The following XPR1 variants were observed in gnomAD, a reference collection of about 807,000 sequenced individuals.
XPR1 encodes xenotropic and polytropic retrovirus receptor 1.
In XPR1, 28 loss-of-function variants were observed where a neutral mutation model predicts 87.5. The observed-to-expected ratio is 0.32, with a 90% CI of 0.24 to 0.44. The LOEUF is 0.44. Among genes scored for constraint, XPR1 ranks in the 20% least tolerant of loss-of-function variants. XPR1 has a pLI of 1.00. For synonymous variants in XPR1, 300 were observed against 306.1 expected (o/e 0.98, Z 0.21); for missense variants, 559 against 862.3 (o/e 0.65, Z 4.41).
intron 1 of XPR1, among the ~76,000 whole-genome samples, chr1:180,675,213 A>G (rs1483178199): frequency 6.6e-6 from 1 of 152,214 alleles, no homozygotes; most frequent in Admixed American, 6.5e-5. Context: ...TTCTCCAAAG[A>G]TAATTCTGAG....
chr1:180,851,483 G>T (rs375375534), intron 11 of XPR1, among the ~76,000 whole-genome samples: 1 of 152,142 alleles, frequency 6.6e-6, no homozygotes, highest in Non-Finnish European at 1.5e-5. Flanking sequence ...ATAACTCCAA[G>T]ACCAGAAAAG....
intron 2 of XPR1, among the ~76,000 whole-genome samples, chr1:180,699,327 T>C (rs1394333083): frequency 2.5e-5 from 3 of 121,616 alleles, no homozygotes; most frequent in African/African-American, 9.5e-5. Context: ...ACGTGTCATC[T>C]AGCATTAGGT....
chr1:180,737,370 G>A (rs1028532017), intron 2 of XPR1, among the ~76,000 whole-genome samples: 2 of 152,186 alleles, frequency 1.3e-5, no homozygotes, highest in African/African-American at 4.8e-5. Context: ...TTTCTAAAAC[G>A]TGATATACTA....
At chr1:180,685,033 G>A (rs570646415) in intron 2 of XPR1, among the ~76,000 whole-genome samples, 6,482 of 151,968 alleles carry the variant, frequency 0.043, 486 homozygotes, top group African/African-American at 0.15. Flanking sequence ...TTGAATAGGA[G>A]CGGTGAGAGA....
intron 2 of XPR1, among the ~76,000 whole-genome samples, chr1:180,776,116 C>G (rs1384162500): frequency 1.3e-5 from 2 of 152,196 alleles, no homozygotes; most frequent in East Asian, 3.9e-4. Context: ...GGTAACAAAT[C>G]CTTTGCAAGT....
chr1:180,669,077 G>A (rs374296712), intron 1 of XPR1, among the ~76,000 whole-genome samples: 7 of 143,460 alleles, frequency 4.9e-5, no homozygotes, highest in East Asian at 2.0e-4. Context: ...CAACAAGAGC[G>A]AAACTCTGTC....
At chr1:180,691,602 C>T (rs779207264) in intron 2 of XPR1, among the ~76,000 whole-genome samples, 1 of 152,134 alleles carries the variant, frequency 6.6e-6, no homozygotes, top group Non-Finnish European at 1.5e-5. Flanking sequence ...CTTCTTTAGT[C>T]TCCCTGTTCC....
intron 2 of XPR1, among the ~76,000 whole-genome samples, chr1:180,781,407 G>A (rs1030408114): frequency 6.6e-6 from 1 of 151,796 alleles, no homozygotes; most frequent in Non-Finnish European, 1.5e-5. Flanking sequence ...GATATTTGAT[G>A]GTGTTGATAG....
At chr1:180,665,427 C>G (rs552361079) in intron 1 of XPR1, among the ~76,000 whole-genome samples, 2 of 152,138 alleles carry the variant, frequency 1.3e-5, no homozygotes, top group Non-Finnish European at 2.9e-5. Flanking sequence ...GGCCAAAGAC[C>G]ATTACTGGTC....
intron 1 of XPR1, among the ~76,000 whole-genome samples, chr1:180,634,350 A>G (rs1654694285): frequency 6.6e-6 from 1 of 152,226 alleles, no homozygotes; most frequent in Admixed American, 6.5e-5. Context: ...AGACAAAATT[A>G]AATGAGGCGC....
intron 11 of XPR1, among the ~76,000 whole-genome samples, chr1:180,849,832 C>A (rs926624962): frequency 6.6e-6 from 1 of 152,056 alleles, no homozygotes; most frequent in East Asian, 1.9e-4. Context: ...GAAAGCAGAG[C>A]AGAGACAGTC....
chr1:180,874,322 T>C (rs1652593874), intron 13 of XPR1, among the ~76,000 whole-genome samples: 1 of 152,210 alleles, frequency 6.6e-6, no homozygotes, highest in Admixed American at 6.5e-5. Context: ...AAATCAATCA[T>C]TTTTTGCAAT....
At chr1:180,648,899 T>G (rs960326859) in intron 1 of XPR1, among the ~76,000 whole-genome samples, 1 of 152,234 alleles carries the variant, frequency 6.6e-6, no homozygotes, top group Non-Finnish European at 1.5e-5. Context: ...TCTCTGATAA[T>G]TTTTGACATC....
chr1:180,852,171 CAG>C (rs1346345104), intron 11 of XPR1, among the ~76,000 whole-genome samples: 1 of 151,736 alleles, frequency 6.6e-6, no homozygotes, highest in African/African-American at 2.4e-5. Flanking sequence ...GTGGTTAACT[CAG>C]TGAAGGTTTT....
intron 6 of XPR1, among the ~76,000 whole-genome samples, chr1:180,811,190 A>G (rs576340025): frequency 2.0e-5 from 3 of 152,234 alleles, no homozygotes; most frequent in Non-Finnish European, 4.4e-5. Context: ...ATTTCATGAC[A>G]CAGATTTCTA....
rs1307445034 is a variant in XPR1 at position 180,785,944 on chromosome 1, T to TA, written c.122-1795dup. Among the ~76,000 whole-genome samples, 185 of 141,584 alleles carry TA rather than the reference T, an allele frequency of 1.3e-3. 1 individual carries two copies. The highest frequency in any genetic ancestry group is 2.7e-3 in the African/African-American group (106 of 39,030). The allele number at this position is 141,584 out of a possible 152,430, so 92.9% of individuals were successfully genotyped here. ...AGCTTCCTTAACGCAAACTCAGCTT[T>TA]AAAAAAAAAAAAAAGCAAGGGAAAA... On this transcript the variant is annotated intron_variant, in intron 2 of 14. Coordinates refer to ENST00000367590, the MANE Select transcript of XPR1 (RefSeq NM_004736.4).
intron 13 of XPR1, 100 bp from the exon 14 acceptor site, chr1:180,879,976 T>G (rs1462774274): frequency 2.3e-6 from 3 of 1,289,250 alleles, no homozygotes; most frequent in Non-Finnish European, 3.3e-6. Flanking sequence ...ATTCTTTGTT[T>G]TTGTTTCCAT....
intron 2 of XPR1, among the ~76,000 whole-genome samples, chr1:180,692,793 A>C (rs1657033271): frequency 6.6e-6 from 1 of 152,202 alleles, no homozygotes; most frequent in African/African-American, 2.4e-5. Context: ...TTAGATAATG[A>C]TATAAATAGT....
Position 180,835,042 on chromosome 1 carries a change from G to A in XPR1, c.1303G>A (p.Glu435Lys), listed in dbSNP as rs1284876465. The A allele has an allele frequency of 6.2e-7, 1 of 1,613,682 alleles. No homozygotes were observed. The highest frequency in any genetic ancestry group is 8.5e-7 in the Non-Finnish European group (1 of 1,179,792). Residue 435 changes from glutamate to lysine, a missense_variant, in exon 10 of 15, where the codon GAA (glutamate) becomes AAA (lysine). Glu to Lys is a moderately conservative substitution (Grantham distance 56). Around this residue, in one of 7 missense-constraint regions of XPR1, gnomAD observed 264 missense variants for 377.2 expected, o/e 0.70. Coordinates refer to ENST00000367590, the MANE Select transcript of XPR1 (RefSeq NM_004736.4). ...ESKGLLPNNS[E>K]ESGICHKYTY... ...TAAGGGCCTGTTGCCAAATAATTCA[G>A]AAGGTAGGGTATGAATTTGCATCTA...
Sources: allele counts gnomAD v4.1 joint callset (sites outside exome capture counted in the v4.1 genomes callset), GRCh38; gene constraint gnomAD v4.1.1; regional missense constraint gnomAD v4.1.1; transcripts MANE v1.5; gene names NCBI Gene and HGNC (gene_info 2026-07-23, HGNC 2026-07-21).